The following LRRIQ4 variants were observed in gnomAD, a reference collection of about 807,000 sequenced individuals.
LRRIQ4 encodes the protein leucine-rich repeat and IQ domain-containing protein 4.
Under a neutral mutation model 40.1 loss-of-function variants are expected in LRRIQ4, and 21 were observed. The ratio of observed to expected loss-of-function variants is 0.52; its 90% CI spans 0.37 to 0.75. LRRIQ4 has a LOEUF of 0.75. Ranked by LOEUF, LRRIQ4 falls within the 30% of genes least tolerant of loss-of-function variation. The pLI, the probability that LRRIQ4 is intolerant of heterozygous loss-of-function variation, is 0.00. For missense variants in LRRIQ4, 655 were observed against 660.0 expected, an observed-to-expected ratio of 0.99 and a Z score of 0.08; for synonymous variants, 277 against 277.1, an observed-to-expected ratio of 1.00 and a Z score of 0.00.
intron 2 of LRRIQ4, among the ~76,000 whole-genome samples, chr3:169,825,681 T>G (rs1780025865): frequency 6.6e-6 from 1 of 152,170 alleles, no homozygotes; most frequent in African/African-American, 2.4e-5. Flanking sequence ...AAGGAGCAAA[T>G]CACACACAGA....
At chr3:169,821,669 G>C (rs1489080446) in intron 1 of LRRIQ4, among the ~76,000 whole-genome samples, 4 of 151,696 alleles carry the variant, frequency 2.6e-5, no homozygotes, top group African/African-American at 9.7e-5. Flanking sequence ...AAATAAAACT[G>C]AAGTTAATCT....
At position 169,822,245 on chromosome 3, in the gene LRRIQ4, C is replaced by G; in HGVS notation, c.324C>G (p.Ser108=). The change falls in exon 2 of 6, where the codon TCC becomes TCG. Residue 108 remains serine (S), a synonymous_variant. Coordinates refer to ENST00000340806, the MANE Select transcript of LRRIQ4 (RefSeq NM_001080460.3). ...ACCTGAGCTACAACCCCATCTTCTC[C>G]TCCTCCCTTGTCGTTGTCAGCTTCC... ...SLDLSYNPIF[S]SSLVVVSFLH... is the part of the protein sequence containing the mutation. 2 of 1,607,062 alleles carry G rather than the reference C, an allele frequency of 1.2e-6. No homozygotes were observed. Among genetic ancestry groups the G allele is most frequent in the South Asian group, 2.2e-5 (2 of 89,994 alleles).
intron 2 of LRRIQ4, among the ~76,000 whole-genome samples, chr3:169,823,830 T>C (rs1351630218): frequency 6.6e-5 from 10 of 152,168 alleles, no homozygotes; most frequent in Admixed American, 5.9e-4. Flanking sequence ...TCATTTAGCA[T>C]TGTTGATAAT....
intron 4 of LRRIQ4, among the ~76,000 whole-genome samples, chr3:169,831,990 A>G (rs1780189843): frequency 6.6e-6 from 1 of 151,818 alleles, no homozygotes; most frequent in Non-Finnish European, 1.5e-5. Flanking sequence ...AATTTAAAAA[A>G]AAAAAGAAAA....
At position 169,822,096 on chromosome 3, in the gene LRRIQ4, C is replaced by A. The variant is rs915670235; in HGVS notation, c.175C>A (p.Gln59Lys). 64 of 1,609,604 alleles carry A rather than the reference C, an allele frequency of 4.0e-5. No homozygotes were observed. The highest frequency in any genetic ancestry group is 5.0e-5 in the Non-Finnish European group (59 of 1,178,910). The change falls in exon 2 of 6, where the codon CAG becomes AAG. Residue 59 changes from glutamine to lysine, a missense_variant. Transcript: ENST00000340806. ...ELEEVHLENN[Q>K]IEEIPQEIQR... is the part of the protein sequence containing the mutation. ...AGAAGAAGTGCATTTGGAGAATAAC[C>A]AGATTGAAGAAATTCCCCAGGAGAT...
At position 169,833,165 on chromosome 3, in the gene LRRIQ4, G is replaced by C; in HGVS notation, c.1512G>C (p.Arg504Ser). 1 of 1,612,582 alleles carries C rather than the reference G, an allele frequency of 6.2e-7. No homozygotes were observed. Residue 504 changes from arginine (R) to serine (S), a missense_variant, in exon 5 of 6, where the codon AGG becomes AGC. Coordinates refer to ENST00000340806, the MANE Select transcript of LRRIQ4 (RefSeq NM_001080460.3). Reference protein sequence around the residue: ...IWKYLKENRNRNIMATKIQAW... With the variant: ...IWKYLKENRNSNIMATKIQAW... ...AATACCTCAAGGAAAACAGAAACAG[G>C]AATATAATGGCAACAAAGGTAAAAT...
chr3:169,815,092 T>G (rs966783760), intron 1 of LRRIQ4, among the ~76,000 whole-genome samples: 3 of 152,208 alleles, frequency 2.0e-5, no homozygotes, highest in Non-Finnish European at 2.9e-5. Flanking sequence ...TTGTTCTTTT[T>G]GCTCAGGTTA....
intron 5 of LRRIQ4, among the ~76,000 whole-genome samples, chr3:169,834,062 A>T (rs540199464): frequency 6.6e-6 from 1 of 152,376 alleles, no homozygotes; most frequent in African/African-American, 2.4e-5. Flanking sequence ...AGTAATTTAT[A>T]TACAAATATA....
At chr3:169,816,922 CA>C (rs1457227246) in intron 1 of LRRIQ4, among the ~76,000 whole-genome samples, 1 of 152,184 alleles carries the variant, frequency 6.6e-6, no homozygotes, top group Non-Finnish European at 1.5e-5. Context: ...CCACTTGCCT[CA>C]GCCTCCCAAA....
intron 2 of LRRIQ4, among the ~76,000 whole-genome samples, chr3:169,824,725 C>G (rs1300709211): frequency 6.6e-6 from 1 of 152,010 alleles, no homozygotes; most frequent in African/African-American, 2.4e-5. Context: ...GTTGGCCAGG[C>G]TGGTCTCAAA....
chr3:169,831,961 G>A (rs1247728153), intron 4 of LRRIQ4, among the ~76,000 whole-genome samples: 4 of 148,860 alleles, frequency 2.7e-5, no homozygotes, highest in South Asian at 4.3e-4. Flanking sequence ...GCAAGACTCC[G>A]TTTTAATAAA....
chr3:169,829,243 C>T (rs956320792), intron 3 of LRRIQ4, among the ~76,000 whole-genome samples: 1 of 152,130 alleles, frequency 6.6e-6, no homozygotes, highest in African/African-American at 2.4e-5. Context: ...TAAGTAGCCC[C>T]CTGAAAACTG....
At chr3:169,824,142 A>G (rs1307323414) in intron 2 of LRRIQ4, among the ~76,000 whole-genome samples, 1 of 152,192 alleles carries the variant, frequency 6.6e-6, no homozygotes. Context: ...TTTTATATAT[A>G]ATGAAAATAT....
intron 2 of LRRIQ4, among the ~76,000 whole-genome samples, chr3:169,825,308 TA>T (rs1410743797): frequency 1.3e-5 from 2 of 152,310 alleles, no homozygotes; most frequent in Non-Finnish European, 2.9e-5. Flanking sequence ...GCCCGGCTGC[TA>T]AAAAAATCTT....
In LRRIQ4 at chr3:169,822,755, G is replaced by T. The variant is rs1779940556; in HGVS notation, c.834G>T (p.Arg278Ser). The T allele has an allele frequency of 6.2e-7, 1 of 1,613,618 alleles. No individual in the cohort carries two copies. ...RLEKVPRLIC[R>S]WTSLHLLYLG... ...AGAAGGTGCCACGCCTCATTTGCAG[G>T]TGGACCTCGCTGCACCTGCTCTACC... Residue 278 changes from arginine to serine, a missense_variant, in exon 2 of 6, where the codon AGG becomes AGT. Coordinates refer to ENST00000340806, the MANE Select transcript of LRRIQ4 (RefSeq NM_001080460.3).
In LRRIQ4 at chr3:169,830,377, G is replaced by GAAAAAAAAAAAAAAAAAA. The variant is rs56795981; in HGVS notation, c.1195-100_1195-83dup. 7.3e-4 allele frequency: 78 copies of GAAAAAAAAAAAAAAAAAA among 106,678 alleles called. 21 individuals are homozygous for GAAAAAAAAAAAAAAAAAA. Among genetic ancestry groups the GAAAAAAAAAAAAAAAAAA allele is most frequent in the African/African-American group, 1.3e-3 (22 of 17,224 alleles). The allele number at this position is 106,678 out of a possible 1,614,324, so 6.6% of individuals were successfully genotyped here. Reference sequence around the variant, plus strand: ...AATGCGTAATTTCCCCACTGAAAGTGAAAAAAAAAAAAAAAAAAAAAAAAA... The same window carrying GAAAAAAAAAAAAAAAAAA: ...AATGCGTAATTTCCCCACTGAAAGTGAAAAAAAAAAAAAAAAAAAAAAAAAAAAAAAAAAAAAAAAAAA... On this transcript the variant is annotated intron_variant, in intron 3 of 5. Transcript: ENST00000340806.
chr3:169,825,269 G>A (rs1203947310), intron 2 of LRRIQ4, among the ~76,000 whole-genome samples: 1 of 152,144 alleles, frequency 6.6e-6, no homozygotes, highest in Non-Finnish European at 1.5e-5. Context: ...GCCTCCCAAA[G>A]TGCTGGGATT....
At chr3:169,813,932 T>C (rs1212128636) in intron 1 of LRRIQ4, among the ~76,000 whole-genome samples, 1 of 152,114 alleles carries the variant, frequency 6.6e-6, no homozygotes, top group Non-Finnish European at 1.5e-5. Context: ...GCACGTGGGC[T>C]CCGAACTCAC....
intron 4 of LRRIQ4, among the ~76,000 whole-genome samples, chr3:169,832,624 T>A (rs1471007336): frequency 7.8e-6 from 1 of 127,706 alleles, no homozygotes; most frequent in Non-Finnish European, 1.6e-5. Context: ...AAAGTGAGAC[T>A]CTGTCTCAAA....
Sources: allele counts gnomAD v4.1 joint callset (sites outside exome capture counted in the v4.1 genomes callset), GRCh38; gene constraint gnomAD v4.1.1; transcripts MANE v1.5; gene names NCBI Gene and HGNC (gene_info 2026-07-23, HGNC 2026-07-21).